MIA2: variants seen among roughly 807,000 people sequenced by gnomAD.
MIA2 encodes melanoma inhibitory activity protein 2.
A neutral mutation model predicts 167.8 loss-of-function variants in MIA2; 127 were observed. The ratio of observed to expected loss-of-function variants is 0.76; its 90% confidence interval spans 0.66 to 0.88. The LOEUF (loss-of-function observed/expected upper bound fraction) is 0.88, where lower values mean the gene tolerates loss of function less well. Ranked by LOEUF, MIA2 falls within the 40% of genes least tolerant of loss-of-function variation. The pLI is 0.00. For missense variants in MIA2, 1,690 were observed against 1,624.7 expected (o/e 1.04, Z -0.69); for synonymous variants, 552 against 541.9 (o/e 1.02, Z -0.26).
chr14:39,255,067 A>G (rs1352316896), intron 6 of MIA2, among the ~76,000 whole-genome samples: 1 of 152,016 alleles, frequency 6.6e-6, no homozygotes, highest in Non-Finnish European at 1.5e-5. Context: ...AGCATACATC[A>G]TTTTGCTTTC....
At chr14:39,361,790 T>C (rs562885064) in intron 23 of MIA2, among the ~76,000 whole-genome samples, 1 of 152,300 alleles carries the variant, frequency 6.6e-6, no homozygotes, top group South Asian at 2.1e-4. Context: ...TTCCAGTTCT[T>C]AGAGGAAAGG....
At position 39,318,006 on chromosome 14, in the gene MIA2, A is replaced by G. The variant is rs1311922970; in HGVS notation, c.3279A>G (p.Arg1093=). The G allele has an allele frequency of 1.3e-6, 2 of 1,579,678 alleles. No homozygotes were observed. The highest frequency in any genetic ancestry group is 1.7e-6 in the Non-Finnish European group (2 of 1,166,964). The change falls in exon 22 of 29, where the codon AGA becomes AGG. Residue 1093 remains arginine (R), a synonymous_variant. Transcript: ENST00000640607. ...TAAGGAAAGAAAATGCTCACAACAG[A>G]CAAAAGTAAGTATCTTAGTGGGAAC... is the stretch of plus-strand genomic sequence containing the variant. ...NDLRKENAHN[R]QKLTETELKF...
chr14:39,319,333 T>A, intron 23 of MIA2, 42 bp downstream of exon 23: 3 of 938,758 alleles, frequency 3.2e-6, no homozygotes, highest in Non-Finnish European at 4.7e-6. Context: ...ATACATATTT[T>A]ACATATATAT....
intron 24 of MIA2, among the ~76,000 whole-genome samples, chr14:39,323,408 A>T (rs535973494): frequency 1.3e-5 from 2 of 152,162 alleles, no homozygotes; most frequent in African/African-American, 4.8e-5. Flanking sequence ...TTTGACATTG[A>T]CATGTCTGCT....
intron 6 of MIA2, among the ~76,000 whole-genome samples, chr14:39,268,064 A>T (rs2056329104): frequency 6.6e-6 from 1 of 151,410 alleles, no homozygotes; most frequent in Admixed American, 6.6e-5. Flanking sequence ...TGTCTTGTTA[A>T]TGTACAGTCT....
chr14:39,248,057 G>C lies in MIA2; in HGVS notation c.1483G>C (p.Glu495Gln). The C allele has an allele frequency of 1.3e-6, 2 of 1,564,478 alleles. No individual in the cohort carries two copies. Among genetic ancestry groups the C allele is most frequent in the Non-Finnish European group, 1.7e-6 (2 of 1,164,308 alleles). ...GGATCAAAATAATGTAATTGAAAAT[G>C]AAGAAACTGGAGAATTTTCCATTGA... ...ILDQNNVIEN[E>Q]ETGEFSIDNY... Residue 495 changes from glutamate to glutamine, a missense_variant, in exon 4 of 29, where the codon GAA becomes CAA. Physicochemically the swap from Glu to Gln is conservative, Grantham distance 29. Coordinates refer to ENST00000640607, the MANE Select transcript of MIA2 (RefSeq NM_001329214.4).
At chr14:39,385,261 G>C in intron 23 of MIA2, 2 of 590,086 alleles carry the variant, frequency 3.4e-6, no homozygotes, top group Non-Finnish European at 6.1e-6. Context: ...TGATGAGGTA[G>C]GTTGTTTCCT....
At chr14:39,362,542 AT>A (rs1289049470) in intron 23 of MIA2, among the ~76,000 whole-genome samples, 1 of 151,108 alleles carries the variant, frequency 6.6e-6, no homozygotes, top group Non-Finnish European at 1.5e-5. Context: ...CTCCTTTTTC[AT>A]TTCTGATTTT....
rs769534317 is a variant in MIA2, at chr14:39,238,793, C to CAAAAAAAAAAAAAAAAA, written c.249+1740_250-1750dup. The stretch of plus-strand genomic sequence containing the variant: ...TGGGTTACAAAGTGAGACCCTGTCT[C>CAAAAAAAAAAAAAAAAA]AAAAAAAAAAAAAAAAAACCCAAAA... On this transcript the variant is annotated intron_variant, in intron 2 of 28. Coordinates refer to ENST00000640607, the MANE Select transcript of MIA2 (RefSeq NM_001329214.4). Among the ~76,000 whole-genome samples the CAAAAAAAAAAAAAAAAA allele has an allele frequency of 1.4e-3, 43 of 30,786 alleles. 4 individuals are homozygous for CAAAAAAAAAAAAAAAAA. The highest frequency in any genetic ancestry group is 6.5e-3 in the African/African-American group (36 of 5,514). 20.2% of individuals were successfully genotyped at this position (30,786 alleles called of 152,430 possible).
Position 39,386,521 on chromosome 14 carries a change from A to G in MIA2, c.2249-364A>G. On this transcript the variant is annotated intron_variant, in intron 23 of 23. Coordinates refer to the MIA2 transcript ENST00000341502. Reference sequence around the variant, plus strand: ...TGGGATTCTTGGCCTTTTTTTTTATATTCACATTTCTCCTTTTTCTTTGGT... The same window carrying G: ...TGGGATTCTTGGCCTTTTTTTTTATGTTCACATTTCTCCTTTTTCTTTGGT... 3 of 1,365,970 alleles carry G rather than the reference A, an allele frequency of 2.2e-6. No individual in the cohort carries two copies. The South Asian group carries it at 3.8e-5, about 17-fold the overall frequency. 84.6% of individuals were successfully genotyped at this position (1,365,970 alleles called of 1,614,324 possible).
At chr14:39,269,433 G>A (rs1479822667) in intron 6 of MIA2, among the ~76,000 whole-genome samples, 1 of 151,708 alleles carries the variant, frequency 6.6e-6, no homozygotes, top group Admixed American at 6.6e-5. Context: ...CATGCTATAT[G>A]TGGCCTTTTG....
At chr14:39,346,211 T>A (rs972441636) in intron 26 of MIA2, among the ~76,000 whole-genome samples, 185 bp downstream of exon 26, 1 of 152,220 alleles carries the variant, frequency 6.6e-6, no homozygotes, top group Non-Finnish European at 1.5e-5. Context: ...TCCAAATATA[T>A]GTTGGTGGGT....
At chr14:39,336,622 G>A (rs1381294901) in intron 25 of MIA2, among the ~76,000 whole-genome samples, 1 of 152,198 alleles carries the variant, frequency 6.6e-6, no homozygotes, top group African/African-American at 2.4e-5. Context: ...ATTCTTATAT[G>A]TGCTTTTAAT....
Position 39,305,067 on chromosome 14 carries a change from C to T in MIA2, c.2878+686C>T, listed in dbSNP as rs2063120147. Among the ~76,000 whole-genome samples the T allele has an allele frequency of 2.0e-5, 3 of 152,082 alleles. No individual in the cohort carries two copies. In the South Asian group the frequency reaches 6.2e-4, roughly 31 times the overall value. On this transcript the variant is annotated intron_variant, in intron 17 of 28. Coordinates refer to ENST00000640607, the MANE Select transcript of MIA2 (RefSeq NM_001329214.4). ...TTATCTCTGAATATGGGATTATGGG[C>T]AGATTTTTATATTCTTTTTACTTAT... is the stretch of plus-strand genomic sequence containing the variant.
chr14:39,288,210 C>T (rs1294467755), intron 9 of MIA2, among the ~76,000 whole-genome samples: 2 of 151,486 alleles, frequency 1.3e-5, no homozygotes, highest in African/African-American at 2.4e-5. Flanking sequence ...GCCTATAGTC[C>T]CACCTACTTG....
chr14:39,347,541 A>T, intron 26 of MIA2, 172 bp from the exon 27 acceptor site: 1 of 608,292 alleles, frequency 1.6e-6, no homozygotes, highest in Non-Finnish European at 2.9e-6. Context: ...TGAGTCTGCC[A>T]GAATTTCTAG....
In MIA2 at chr14:39,288,459, A is replaced by ATTTTTT. The variant is rs1566747774; in HGVS notation, c.2131-2559_2131-2558insTTTTTT. ...TATATATATATATATATATATATATATATATATATATATATATTTTTTTTT... is the reference window on the plus strand; with the variant it reads ...TATATATATATATATATATATATATATTTTTTTATATATATATATATATTTTTTTTT... On this transcript the variant is annotated intron_variant, in intron 9 of 28. Transcript: ENST00000640607. Among the ~76,000 whole-genome samples the ATTTTTT allele has an allele frequency of 2.4e-3, 41 of 17,282 alleles. 2 individuals are homozygous for ATTTTTT. Among genetic ancestry groups the ATTTTTT allele is most frequent in the Non-Finnish European group, 3.4e-3 (24 of 7,010 alleles). 11.3% of individuals were successfully genotyped at this position (17,282 alleles called of 152,430 possible). A position where few individuals can be genotyped will look rare whatever the true frequency, so the allele number is the denominator to read the frequency against.
chr14:39,277,734 A>ATT (rs2058319517), intron 7 of MIA2, among the ~76,000 whole-genome samples: 1 of 4,364 alleles, frequency 2.3e-4, no homozygotes, highest in African/African-American at 1.4e-3. Flanking sequence ...ATATATATAT[A>ATT]TATATATATG....
At chr14:39,268,730 G>T (rs964920075) in intron 6 of MIA2, among the ~76,000 whole-genome samples, 1 of 152,128 alleles carries the variant, frequency 6.6e-6, no homozygotes, top group Admixed American at 6.6e-5. Context: ...CTTGAAATAG[G>T]GATTAAGGGA....
Sources: gnomAD v4.1 joint callset for allele counts (sites outside exome capture counted in the v4.1 genomes callset) on GRCh38, gnomAD v4.1.1 for gene constraint, MANE v1.5 for transcripts, NCBI Gene and HGNC (gene_info 2026-07-23, HGNC 2026-07-21) for gene names.